ZNF316: variants seen among roughly 807,000 people sequenced by gnomAD.
ZNF316 encodes zinc finger protein 316.
In ZNF316, 23 loss-of-function variants were observed where a neutral mutation model predicts 75.6. The observed-to-expected ratio is 0.30, with a 90% CI of 0.22 to 0.43. ZNF316 has a LOEUF of 0.43. Ranked by LOEUF, ZNF316 falls within the 20% of genes least tolerant of loss-of-function variation. ZNF316 has a pLI of 1.00. For missense variants in ZNF316, 1,266 were observed against 1,409.4 expected (o/e 0.90, Z 1.63); for synonymous variants, 827 against 666.2 (o/e 1.24, Z -3.72).
Position 6,637,684 on chromosome 7 carries a change from G to A in ZNF316, c.-430-162G>A, listed in dbSNP as rs1167083025. Among the ~76,000 whole-genome samples the A allele has an allele frequency of 1.3e-5, 2 of 151,318 alleles. No individual in the cohort carries two copies. The highest frequency in any genetic ancestry group is 3.0e-5 in the Non-Finnish European group (2 of 67,792). The stretch of plus-strand genomic sequence containing the variant: ...CCCCCGTCCGGGCCTGCGCGTTGCC[G>A]ACCCCCGGGGCCGGTCCGGGCAGGA... On this transcript the variant is annotated intron_variant, in intron 1 of 8. Transcript: ENST00000382252. This position sits in a 1 kb window ranked among gnomAD's most constrained non-coding sequence, Gnocchi z 6.2.
intron 8 of ZNF316, among the ~76,000 whole-genome samples, chr7:6,645,711 A>T (rs55789222): frequency 6.7e-6 from 1 of 150,088 alleles, no homozygotes; most frequent in East Asian, 2.0e-4. Context: ...TAAAAAAAAA[A>T]TAGGCTAGGT....
In ZNF316 at chr7:6,657,311, C is replaced by CAAA. The variant is rs33942632; in HGVS notation, c.*2725_*2727dup. Among the ~76,000 whole-genome samples, 11 of 65,200 alleles carry CAAA rather than the reference C, an allele frequency of 1.7e-4. No individual in the cohort carries two copies. The highest frequency in any genetic ancestry group is 2.1e-4 in the Admixed American group (1 of 4,796). The allele number at this position is 65,200 out of a possible 152,430, so 42.8% of individuals were successfully genotyped here. On this transcript the variant is annotated 3_prime_UTR_variant, in exon 9 of 9. Transcript: ENST00000382252. ...GCCCGGCCAGAGCAACCTAATATTT[C>CAAA]AAAAAAAAAAAAAAAAAAAAAAAAA...
intron 6 of ZNF316, 100 bp downstream of exon 6, chr7:6,643,173 GGCACT>G (rs1779342106): frequency 8.2e-7 from 1 of 1,226,170 alleles, no homozygotes; most frequent in Non-Finnish European, 1.0e-6. Flanking sequence ...CAGCGGCCAT[GGCACT>G]GGAGTCCCCG....
chr7:6,653,763 G>A lies in ZNF316; in HGVS notation c.2167G>A (p.Asp723Asn), dbSNP rs1195665117. 1.8e-6 allele frequency: 2 copies of A among 1,092,066 alleles called. No homozygotes were observed. Among genetic ancestry groups the A allele is most frequent in the Non-Finnish European group, 2.2e-6 (2 of 897,050 alleles). 67.6% of individuals were successfully genotyped at this position (1,092,066 alleles called of 1,614,324 possible). Residue 723 changes from aspartate (D) to asparagine (N), a missense_variant, in exon 9 of 9, where the codon GAC (aspartate) becomes AAC (asparagine). This residue lies in a region of ZNF316 where 961 missense variants were observed against 990.9 expected (regional missense o/e 0.97). Coordinates refer to ENST00000382252, the MANE Select transcript of ZNF316 (RefSeq NM_001278559.2). ...HAGERPHRCA[D>N]CGKSFVYGSH... Reference sequence around the variant, plus strand: ...GGGCGAGCGGCCGCATCGCTGCGCCGACTGCGGCAAGAGCTTCGTGTACGG... The same window carrying A: ...GGGCGAGCGGCCGCATCGCTGCGCCAACTGCGGCAAGAGCTTCGTGTACGG...
At chr7:6,638,353 A>G (rs1779256042) in intron 2 of ZNF316, among the ~76,000 whole-genome samples, 1 of 152,114 alleles carries the variant, frequency 6.6e-6, no homozygotes, top group South Asian at 2.1e-4. Flanking sequence ...TGGTCGGGGA[A>G]GGAAGTCCTT....
At chr7:6,649,137 C>G (rs1050515720) in intron 8 of ZNF316, among the ~76,000 whole-genome samples, 1 of 152,162 alleles carries the variant, frequency 6.6e-6, no homozygotes, top group African/African-American at 2.4e-5. Context: ...GCTTCTCCCT[C>G]CCTAGACAGA....
In ZNF316 at chr7:6,654,515, C is replaced by G; in HGVS notation, c.2919C>G (p.Ser973Arg). The G allele has an allele frequency of 8.5e-7, 1 of 1,176,852 alleles. No homozygotes were observed. Among genetic ancestry groups the G allele is most frequent in the Admixed American group, 4.6e-5 (1 of 21,782 alleles). The allele number at this position is 1,176,852 out of a possible 1,614,324, so 72.9% of individuals were successfully genotyped here. A position where few individuals can be genotyped will look rare whatever the true frequency, so the allele number is the denominator to read the frequency against. ...GTGCCGGCCCCGGTGAGCGCGGCAG[C>G]GCCCTGCTGGAGTTCGCGGGCGGCA... The part of the protein sequence containing the change: ...PSSAGPGERG[S>R]ALLEFAGGTS... Residue 973 changes from serine to arginine, a missense_variant, in exon 9 of 9, where the codon AGC (serine) becomes AGG (arginine). Around this residue, in one of 3 missense-constraint regions of ZNF316, gnomAD observed 111 missense variants for 99.2 expected, o/e 1.12. Transcript: ENST00000382252.
rs558639787 is a variant in ZNF316 at position 6,652,451 on chromosome 7, C to T, written c.855C>T (p.Pro285=). Residue 285 remains proline, a synonymous_variant, in exon 9 of 9, where the codon CCC becomes CCT. Transcript: ENST00000382252. ...GGGACGTGCCTGGGACGTGGGGGCC[C>T]GACGACTCGGATTCGGCGCAGACTC... ...GVGDVPGTWG[P]DDSDSAQTPE... 2.7e-5 allele frequency: 33 copies of T among 1,231,864 alleles called. No homozygotes were observed. In the African/African-American group the frequency reaches 3.7e-4, roughly 14 times the overall value. 76.3% of individuals were successfully genotyped at this position (1,231,864 alleles called of 1,614,324 possible). A position where few individuals can be genotyped will look rare whatever the true frequency, so the allele number is the denominator to read the frequency against.
rs573150844 is a variant in ZNF316 at position 6,643,213 on chromosome 7, G to A, written c.465+140G>A. On this transcript the variant is annotated intron_variant, in intron 6 of 8. Transcript: ENST00000382252. ...GGACCAGGCCCAGGCCCTGAGCTGG[G>A]AGTGGCCACAGGAAGCGGCTGGGTG... 5 of 1,187,960 alleles carry A rather than the reference G, an allele frequency of 4.2e-6. No homozygotes were observed. The East Asian group carries it at 1.6e-4, about 38-fold the overall frequency. The allele number at this position is 1,187,960 out of a possible 1,614,324, so 73.6% of individuals were successfully genotyped here.
intron 8 of ZNF316, among the ~76,000 whole-genome samples, chr7:6,646,708 T>TC (rs1779411532): frequency 6.6e-6 from 1 of 151,864 alleles, no homozygotes; most frequent in African/African-American, 2.4e-5. Flanking sequence ...GCTCCCCGCC[T>TC]CCCCCAGTGC....
At chr7:6,643,694 A>T in intron 6 of ZNF316, 128 bp from the exon 7 acceptor site, 1 of 846,646 alleles carries the variant, frequency 1.2e-6, no homozygotes, top group Non-Finnish European at 1.6e-6. Context: ...AAGGCCTGAA[A>T]GCCCTCAGTG....
rs773696693 is a variant in ZNF316, at chr7:6,639,830, C to T, written c.-167+689C>T. On this transcript the variant is annotated intron_variant, in intron 3 of 8. Transcript: ENST00000382252. The surrounding 1 kb of genome is among the most constrained non-coding windows in gnomAD (Gnocchi z 4.2). ...CAGCGCCCTGAGTGCTGGGCAGGGC[C>T]GTGTCCTCCTGGAGGTGGCTAGCAT... Among the ~76,000 whole-genome samples the T allele has an allele frequency of 1.3e-5, 2 of 152,168 alleles. No homozygotes were observed. Among genetic ancestry groups the T allele is most frequent in the Admixed American group, 6.5e-5 (1 of 15,272 alleles).
In ZNF316 at chr7:6,652,731, G is replaced by A; in HGVS notation, c.1135G>A (p.Gly379Ser). Residue 379 changes from glycine (G) to serine (S), a missense_variant, in exon 9 of 9, where the codon GGC (glycine) becomes AGC (serine). This residue lies in a region of ZNF316 where 961 missense variants were observed against 990.9 expected (regional missense o/e 0.97). Transcript: ENST00000382252. ...CAAGCCCTTCGGCTGCGAGGAGTGCGGCAAGGGCTTCGTGTACCGCTCGCA... is the reference window on the plus strand; with the variant it reads ...CAAGCCCTTCGGCTGCGAGGAGTGCAGCAAGGGCTTCGTGTACCGCTCGCA... ...AVKPFGCEECGKGFVYRSHLA... is the reference protein window; with the variant it reads ...AVKPFGCEECSKGFVYRSHLA... 8.0e-7 allele frequency: 1 copy of A among 1,246,586 alleles called. No individual in the cohort carries two copies. The allele number at this position is 1,246,586 out of a possible 1,614,324, so 77.2% of individuals were successfully genotyped here.
chr7:6,652,385 G>A lies in ZNF316; in HGVS notation c.789G>A (p.Glu263=). The A allele has an allele frequency of 8.1e-7, 1 of 1,232,444 alleles. No individual in the cohort carries two copies. The highest frequency in any genetic ancestry group is 1.0e-6 in the Non-Finnish European group (1 of 988,170). 76.3% of individuals were successfully genotyped at this position (1,232,444 alleles called of 1,614,324 possible). A position where few individuals can be genotyped will look rare whatever the true frequency, so the allele number is the denominator to read the frequency against. Residue 263 remains glutamate, a synonymous_variant, in exon 9 of 9, where the codon GAG becomes GAA. Transcript: ENST00000382252. ...EDFLAEVAEE[E]NEPPGLWSAA... is the part of the protein sequence containing the mutation. The stretch of plus-strand genomic sequence containing the variant: ...TCCTGGCGGAGGTGGCCGAGGAGGA[G>A]AACGAGCCCCCAGGGCTCTGGTCGG...
chr7:6,651,077 C>T (rs778318900), intron 8 of ZNF316, among the ~76,000 whole-genome samples: 7 of 152,138 alleles, frequency 4.6e-5, no homozygotes, highest in Non-Finnish European at 7.3e-5. Flanking sequence ...AGGCCGGGCA[C>T]GGTGGCTCAC....
intron 2 of ZNF316, among the ~76,000 whole-genome samples, 186 bp from the exon 3 acceptor site, chr7:6,638,856 G>A (rs1441073913): frequency 6.6e-6 from 1 of 152,214 alleles, no homozygotes; most frequent in Non-Finnish European, 1.5e-5. Flanking sequence ...AGTGAGCAGT[G>A]TTTACAGTGG....
In ZNF316 at chr7:6,642,390, G is replaced by A; in HGVS notation, c.-20G>A. The A allele has an allele frequency of 8.1e-7, 1 of 1,231,682 alleles. No individual in the cohort carries two copies. Among genetic ancestry groups the A allele is most frequent in the Non-Finnish European group, 1.0e-6 (1 of 987,600 alleles). 76.3% of individuals were successfully genotyped at this position (1,231,682 alleles called of 1,614,324 possible). The stretch of plus-strand genomic sequence containing the variant: ...GTCCATCTGCATTTCAGGCCACGTG[G>A]AGGCTCGCTCCCAGGGAGGATGGCG... On this transcript the variant is annotated 5_prime_UTR_variant, in exon 5 of 9. The change creates a premature stop within an existing upstream ORF in the 5' untranslated region. Coordinates refer to ENST00000382252, the MANE Select transcript of ZNF316 (RefSeq NM_001278559.2). This position sits in a 1 kb window ranked among gnomAD's most constrained non-coding sequence, Gnocchi z 8.1.
chr7:6,653,293 C>T lies in ZNF316; in HGVS notation c.1697C>T (p.Pro566Leu), dbSNP rs924223661. 139 of 1,227,508 alleles carry T rather than the reference C, an allele frequency of 1.1e-4. No individual in the cohort carries two copies. The highest frequency in any genetic ancestry group is 1.4e-4 in the Non-Finnish European group (138 of 985,954). 76.0% of individuals were successfully genotyped at this position (1,227,508 alleles called of 1,614,324 possible). Residue 566 changes from proline to leucine, a missense_variant, in exon 9 of 9, where the codon CCC (proline) becomes CTC (leucine). Pro to Leu is a moderately conservative substitution (Grantham distance 98). Coordinates refer to ENST00000382252, the MANE Select transcript of ZNF316 (RefSeq NM_001278559.2). Reference protein sequence around the residue: ...REEAAVAAPTPSGKVDPAPER... With the variant: ...REEAAVAAPTLSGKVDPAPER... ...GAGGCGGCGGTGGCGGCGCCCACCC[C>T]CAGCGGCAAGGTGGACCCCGCGCCG... is the stretch of plus-strand genomic sequence containing the variant.
chr7:6,643,113 C>T (rs965077380), intron 6 of ZNF316, 40 bp downstream of exon 6: 2 of 1,232,390 alleles, frequency 1.6e-6, no homozygotes, highest in Non-Finnish European at 2.0e-6. Context: ...GTAACCTGGG[C>T]AGGGTTTCCC....
Sources: gnomAD v4.1 joint callset for allele counts (sites outside exome capture counted in the v4.1 genomes callset) on GRCh38, gnomAD v4.1.1 for gene constraint, gnomAD v4.1.1 regional missense constraint, Gnocchi (gnomAD v3.1) non-coding constraint, MANE v1.5 for transcripts, NCBI Gene and HGNC (gene_info 2026-07-23, HGNC 2026-07-21) for gene names.